The following LRP1B variants were observed in gnomAD, a reference collection of about 807,000 sequenced individuals.
The protein encoded by LRP1B is low-density lipoprotein receptor-related protein 1B.
A neutral mutation model predicts 556.6 loss-of-function variants in LRP1B; 217 were observed. The observed-to-expected ratio is 0.39, with a 90% CI of 0.35 to 0.44. The LOEUF (loss-of-function observed/expected upper bound fraction) is 0.44, where lower values mean the gene tolerates loss of function less well. Among genes scored for constraint, LRP1B ranks in the 20% least tolerant of loss-of-function variants. The pLI is 1.00. For missense variants in LRP1B, 5,053 were observed against 5,620.8 expected (o/e 0.90, Z 3.23); for synonymous variants, 2,047 against 1,865.8 (o/e 1.10, Z -2.50).
At chr2:141,174,793 GT>G (rs1375112972) in intron 7 of LRP1B, among the ~76,000 whole-genome samples, 1 of 152,094 alleles carries the variant, frequency 6.6e-6, no homozygotes, top group East Asian at 1.9e-4. Context: ...GGTTGAAACA[GT>G]TTAGAGGGCT....
chr2:140,419,357 A>G, intron 66 of LRP1B, among the ~76,000 whole-genome samples: 1 of 152,194 alleles, frequency 6.6e-6, no homozygotes, highest in Non-Finnish European at 1.5e-5. Flanking sequence ...ATAGTCAGAT[A>G]TTTCAGTAAT....
At chr2:141,595,653 T>TTA in intron 2 of LRP1B, among the ~76,000 whole-genome samples, 1 of 152,080 alleles carries the variant, frequency 6.6e-6, no homozygotes, top group Non-Finnish European at 1.5e-5. Context: ...ATAATATGAC[T>TTA]CACATCTTTC....
chr2:141,608,425 C>T (rs549953726), intron 2 of LRP1B, among the ~76,000 whole-genome samples: 73 of 152,190 alleles, frequency 4.8e-4, no homozygotes, highest in African/African-American at 1.7e-3. Flanking sequence ...TCTTCCAGAG[C>T]TTATCACATG....
chr2:141,892,167 G>A (rs1344908330), intron 1 of LRP1B, among the ~76,000 whole-genome samples: 4 of 151,678 alleles, frequency 2.6e-5, no homozygotes, highest in Non-Finnish European at 4.4e-5. Flanking sequence ...TAAATGTAAT[G>A]AAGAATGAGG....
chr2:141,688,059 G>T (rs1436801444), intron 2 of LRP1B, among the ~76,000 whole-genome samples: 1 of 150,424 alleles, frequency 6.6e-6, no homozygotes, highest in Non-Finnish European at 1.5e-5. Context: ...ATGTAGGTTA[G>T]GCCATCCAAA....
chr2:140,363,991 A>G (rs994727639), intron 72 of LRP1B, among the ~76,000 whole-genome samples: 1 of 151,696 alleles, frequency 6.6e-6, no homozygotes, highest in African/African-American at 2.4e-5. Flanking sequence ...GTTCATTAAA[A>G]TAGATCCTTT....
In LRP1B at chr2:141,857,186, C is replaced by A. The variant is rs541627644; in HGVS notation, c.83-46785G>T. ...ACTTAAGTTAGAGGTATAAAGTCAACCTTCATTATTTCTTCTTTTTTAGCT... is the reference window on the plus strand; with the variant it reads ...ACTTAAGTTAGAGGTATAAAGTCAAACTTCATTATTTCTTCTTTTTTAGCT... On this transcript the variant is annotated intron_variant, in intron 1 of 90. Transcript: ENST00000389484. 1.5e-4 allele frequency among the ~76,000 whole-genome samples: 23 copies of A among 152,096 alleles called. No homozygotes were observed. In the South Asian group the frequency reaches 4.6e-3, roughly 30 times the overall value.
chr2:141,777,816 G>T (rs929378949), intron 2 of LRP1B, among the ~76,000 whole-genome samples: 1 of 151,910 alleles, frequency 6.6e-6, no homozygotes, highest in East Asian at 1.9e-4. Flanking sequence ...TGACTATTGA[G>T]GCTAAAGACT....
chr2:141,415,297 G>A (rs1463415143), intron 3 of LRP1B, among the ~76,000 whole-genome samples: 1 of 152,172 alleles, frequency 6.6e-6, no homozygotes, highest in East Asian at 1.9e-4. Context: ...ACAGGCGTGA[G>A]CCACCACGCC....
At chr2:141,776,970 T>C (rs1354954964) in intron 2 of LRP1B, among the ~76,000 whole-genome samples, 1 of 152,196 alleles carries the variant, frequency 6.6e-6, no homozygotes, top group Non-Finnish European at 1.5e-5. Context: ...TGTTTTTGCA[T>C]GGGTTATTGA....
chr2:140,936,339 C>CAAAAAAA (rs59717868), intron 20 of LRP1B, among the ~76,000 whole-genome samples: 4 of 86,818 alleles, frequency 4.6e-5, no homozygotes, highest in Non-Finnish European at 6.4e-5. Context: ...GACTCCGTCT[C>CAAAAAAA]AAAAAAAAAA....
intron 3 of LRP1B, among the ~76,000 whole-genome samples, chr2:141,373,793 T>G (rs948172841): frequency 2.0e-5 from 3 of 152,116 alleles, no homozygotes; most frequent in African/African-American, 7.2e-5. Context: ...TGAGCCTTTG[T>G]TACTGTCATA....
chr2:141,848,117 T>C (rs1697717061), intron 1 of LRP1B, among the ~76,000 whole-genome samples: 1 of 151,584 alleles, frequency 6.6e-6, no homozygotes, highest in Non-Finnish European at 1.5e-5. Context: ...ACAATGTCAA[T>C]CAAATATTTC....
chr2:140,248,173 G>C (rs13389200), intron 86 of LRP1B, among the ~76,000 whole-genome samples: 3 of 151,568 alleles, frequency 2.0e-5, no homozygotes, highest in Admixed American at 6.6e-5. Flanking sequence ...AAGCTTCTAC[G>C]ATGCTATACG....
intron 49 of LRP1B, among the ~76,000 whole-genome samples, chr2:140,524,787 A>T (rs1690355937): frequency 6.6e-6 from 1 of 151,716 alleles, no homozygotes; most frequent in Non-Finnish European, 1.5e-5. Flanking sequence ...GATACTGGGG[A>T]CTCCAAAAGG....
chr2:141,013,591 A>G lies in LRP1B; in HGVS notation c.2345T>C (p.Phe782Ser). 6 of 1,610,658 alleles carry G rather than the reference A, an allele frequency of 3.7e-6. No individual in the cohort carries two copies. Among genetic ancestry groups the G allele is most frequent in the East Asian group, 2.2e-5 (1 of 44,692 alleles). Residue 782 changes from phenylalanine to serine, a missense_variant, in exon 14 of 91, where the codon TTT (phenylalanine) becomes TCT (serine). Phe to Ser is a radical substitution (Grantham distance 155, BLOSUM62 -2). This residue lies in a region of LRP1B where 3,619 missense variants were observed against 3,931.9 expected (regional missense o/e 0.92). Transcript: ENST00000389484. ...TCGTGGATCATAAATCTGAAGCCCAAATAGGGGTGGTCTTTCATGCCTCAG... is the reference window on the plus strand; with the variant it reads ...TCGTGGATCATAAATCTGAAGCCCAGATAGGGGTGGTCTTTCATGCCTCAG... ...TLLRHERPPLFGLQIYDPRKQ... is the reference protein window; with the variant it reads ...TLLRHERPPLSGLQIYDPRKQ...
chr2:141,104,447 T>C lies in LRP1B; in HGVS notation c.1014-42174A>G, dbSNP rs552238868. 3.2e-4 allele frequency among the ~76,000 whole-genome samples: 48 copies of C among 152,194 alleles called. 1 individual carries two copies. In the South Asian group the frequency reaches 9.5e-3, roughly 30 times the overall value. On this transcript the variant is annotated intron_variant, in intron 7 of 90. Coordinates refer to ENST00000389484, the MANE Select transcript of LRP1B (RefSeq NM_018557.3). ...GGAACTATCAGTGCAATAAAGAAGA[T>C]GACCTAGCTCTGTCATTTTACTGCT...
chr2:141,411,052 A>T (rs747970010), intron 3 of LRP1B, among the ~76,000 whole-genome samples: 3 of 152,016 alleles, frequency 2.0e-5, no homozygotes, highest in Non-Finnish European at 4.4e-5. Context: ...ACAGGTTTAT[A>T]GTTTTAGTGT....
chr2:140,844,350 C>T (rs1026359071), intron 29 of LRP1B, among the ~76,000 whole-genome samples: 1 of 152,146 alleles, frequency 6.6e-6, no homozygotes, highest in Non-Finnish European at 1.5e-5. Context: ...AGGCATGAGC[C>T]TAATTAGGCG....
Sources: gnomAD v4.1 joint callset for allele counts (sites outside exome capture counted in the v4.1 genomes callset) on GRCh38, gnomAD v4.1.1 for gene constraint, gnomAD v4.1.1 regional missense constraint, MANE v1.5 for transcripts, NCBI Gene and HGNC (gene_info 2026-07-23, HGNC 2026-07-21) for gene names.